CFH: variants seen among roughly 807,000 people sequenced by gnomAD.
The protein encoded by CFH is complement factor H.
A neutral mutation model predicts 147.3 loss-of-function variants in CFH; 53 were observed. That is an observed-to-expected ratio of 0.36 (90% CI 0.29 to 0.45). The LOEUF is 0.45. Ranked by LOEUF, CFH falls within the 20% of genes least tolerant of loss-of-function variation. The pLI is 1.00. For synonymous variants in CFH, 536 were observed against 489.4 expected (o/e 1.10, Z -1.26); for missense variants, 1,380 against 1,498.0 (o/e 0.92, Z 1.30).
At chr1:196,743,829 T>TAA (rs1558185998) in intron 20 of CFH, among the ~76,000 whole-genome samples, 2 of 152,140 alleles carry the variant, frequency 1.3e-5, no homozygotes, top group Admixed American at 6.5e-5. Context: ...TCGACCAAAT[T>TAA]GAGAGTTGGA....
chr1:196,733,570 A>T (rs1025970944), intron 15 of CFH, among the ~76,000 whole-genome samples: 1 of 152,148 alleles, frequency 6.6e-6, no homozygotes, highest in East Asian at 1.9e-4. Flanking sequence ...GCTCTTGGGC[A>T]ATGAAGCTCC....
At chr1:196,706,911 TTTTAGATACATTTTCAAGATAAACAAA>T (rs1668603915) in intron 9 of CFH, among the ~76,000 whole-genome samples, 1 of 152,094 alleles carries the variant, frequency 6.6e-6, no homozygotes, top group South Asian at 2.1e-4. Flanking sequence ...TTGCTTGTAT[TTTTAGATACATTTTCAAGATAAACAAA>T]ATCATTCCGC....
At position 196,713,899 on chromosome 1, in the gene CFH, G is replaced by T; in HGVS notation, c.1501G>T (p.Ala501Ser). The change falls in exon 10 of 22, where the codon GCT becomes TCT. Residue 501 changes from alanine to serine, a missense_variant. Ala to Ser is a moderately conservative substitution (Grantham distance 99). Transcript: ENST00000367429. ...TACATGTGGGAAAGATGGATGGTCAGCTCAACCCACGTGCATTAGTAAGTA... is the reference window on the plus strand; with the variant it reads ...TACATGTGGGAAAGATGGATGGTCATCTCAACCCACGTGCATTAGTAAGTA... Reference protein sequence around the residue: ...SITCGKDGWSAQPTCIKSCDI... With the variant: ...SITCGKDGWSSQPTCIKSCDI... The T allele has an allele frequency of 6.2e-7, 1 of 1,612,446 alleles. No homozygotes were observed. The highest frequency in any genetic ancestry group is 8.5e-7 in the Non-Finnish European group (1 of 1,178,966).
chr1:196,734,897 G>C (rs1393374375), intron 15 of CFH, among the ~76,000 whole-genome samples: 2 of 151,862 alleles, frequency 1.3e-5, no homozygotes, highest in African/African-American at 2.4e-5. Flanking sequence ...CCTTCTCTGT[G>C]TTTCTTTGTC....
Position 196,743,506 on chromosome 1 carries a change from A to C in CFH, c.3188A>C (p.Gln1063Pro). 1 of 1,614,102 alleles carries C rather than the reference A, an allele frequency of 6.2e-7. No individual in the cohort carries two copies. The highest frequency in any genetic ancestry group is 8.5e-7 in the Non-Finnish European group (1 of 1,179,952). Residue 1063 changes from glutamine (Q) to proline (P), a missense_variant, in exon 20 of 22, where the codon CAG (glutamine) becomes CCG (proline). Gln to Pro is a moderately conservative substitution (Grantham distance 76). Around this residue, in one of 4 missense-constraint regions of CFH, gnomAD observed 830 missense variants for 821.4 expected, o/e 1.01. Coordinates refer to ENST00000367429, the MANE Select transcript of CFH (RefSeq NM_000186.4). ...CAAAATGCTTATATAGTGTCGAGAC[A>C]GATGAGTAAATATCCATCTGGTGAG... ...TVQNAYIVSRQMSKYPSGERV... is the reference protein window; with the variant it reads ...TVQNAYIVSRPMSKYPSGERV...
chr1:196,673,307 G>C, intron 2 of CFH, 144 bp downstream of exon 2: 1 of 807,040 alleles, frequency 1.2e-6, no homozygotes, highest in East Asian at 2.7e-5. Flanking sequence ...TTTGTTTTGA[G>C]ATGGAGTCTG....
chr1:196,653,649 A>G (rs1666579711), intron 1 of CFH, among the ~76,000 whole-genome samples: 1 of 152,068 alleles, frequency 6.6e-6, no homozygotes, highest in Non-Finnish European at 1.5e-5. Context: ...AAATATTATT[A>G]AAATAGAGTA....
intron 16 of CFH, 130 bp downstream of exon 16, chr1:196,737,136 C>T (rs1669425817): frequency 1.5e-5 from 12 of 810,658 alleles, no homozygotes; most frequent in Non-Finnish European, 2.2e-5. Flanking sequence ...AAATTAGGAC[C>T]TAGGCACATT....
intron 9 of CFH, among the ~76,000 whole-genome samples, chr1:196,694,234 T>A (rs1221914435): frequency 1.3e-5 from 2 of 151,998 alleles, no homozygotes; most frequent in Non-Finnish European, 2.9e-5. Flanking sequence ...CAACTCTCAC[T>A]TATGAGTGAG....
At chr1:196,678,866 A>C (rs966238940) in intron 5 of CFH, 1 of 152,084 alleles carries the variant, frequency 6.6e-6, no homozygotes, top group African/African-American at 2.4e-5. Flanking sequence ...GGAACGAGTC[A>C]GTGATAAATA....
At chr1:196,738,958 G>C (rs1166272434) in intron 17 of CFH, among the ~76,000 whole-genome samples, 1 of 152,228 alleles carries the variant, frequency 6.6e-6, no homozygotes, top group Non-Finnish European at 1.5e-5. Flanking sequence ...CCTAGTTGTA[G>C]GTTCCCAAAC....
intron 20 of CFH, among the ~76,000 whole-genome samples, chr1:196,744,315 A>G (rs1291428592): frequency 6.6e-6 from 1 of 152,046 alleles, no homozygotes; most frequent in Non-Finnish European, 1.5e-5. Flanking sequence ...TGGACCATTT[A>G]CACTTAAAAT....
At chr1:196,738,038 C>A (rs1652641750) in intron 17 of CFH, among the ~76,000 whole-genome samples, 2 of 151,976 alleles carry the variant, frequency 1.3e-5, no homozygotes, top group Admixed American at 6.6e-5. Context: ...GAGGGAGAAG[C>A]AAACGCATGA....
chr1:196,657,302 T>G (rs1286608651), intron 1 of CFH, among the ~76,000 whole-genome samples: 1 of 152,170 alleles, frequency 6.6e-6, no homozygotes, highest in Non-Finnish European at 1.5e-5. Flanking sequence ...TATAAAATAA[T>G]TTGAATATTT....
At chr1:196,666,851 T>A (rs1268539955) in intron 1 of CFH, among the ~76,000 whole-genome samples, 1 of 151,156 alleles carries the variant, frequency 6.6e-6, no homozygotes, top group Non-Finnish European at 1.5e-5. Context: ...AAAAATTTTG[T>A]GAATTTTCCA....
At chr1:196,669,912 A>G (rs771980564) in intron 1 of CFH, among the ~76,000 whole-genome samples, 1 of 152,194 alleles carries the variant, frequency 6.6e-6, no homozygotes, top group Admixed American at 6.5e-5. Flanking sequence ...GAAAGTAGCC[A>G]GGGCAGGGGG....
chr1:196,735,610 TA>T (rs989006893), intron 15 of CFH, among the ~76,000 whole-genome samples: 50 of 150,928 alleles, frequency 3.3e-4, no homozygotes, highest in African/African-American at 1.2e-3. Flanking sequence ...AAAAAACAAA[TA>T]AAAAAATAAA....
chr1:196,661,637 T>G (rs1285298432), intron 1 of CFH, among the ~76,000 whole-genome samples: 1 of 152,182 alleles, frequency 6.6e-6, no homozygotes, highest in Middle Eastern at 3.2e-3. Context: ...CACTTCCCAG[T>G]GTCCCCACCT....
At chr1:196,673,774 C>A (rs1667363976) in intron 2 of CFH, 83 bp from the exon 3 acceptor site, 5 of 856,320 alleles carry the variant, frequency 5.8e-6, no homozygotes, top group South Asian at 2.7e-5. Context: ...TATATAATAT[C>A]AAATATACTT....
Sources: gnomAD v4.1 joint callset for allele counts (sites outside exome capture counted in the v4.1 genomes callset) on GRCh38, gnomAD v4.1.1 for gene constraint, gnomAD v4.1.1 regional missense constraint, MANE v1.5 for transcripts, NCBI Gene and HGNC (gene_info 2026-07-23, HGNC 2026-07-21) for gene names.